CDH13: variants seen among roughly 807,000 people sequenced by gnomAD.
CDH13 encodes the protein cadherin-13.
Under a neutral mutation model 63.8 loss-of-function variants are expected in CDH13, and 24 were observed. The observed-to-expected ratio is 0.38, with a 90% CI of 0.27 to 0.53. The LOEUF is 0.53. Ranked by LOEUF, CDH13 falls within the 20% of genes least tolerant of loss-of-function variation. The pLI, the probability that CDH13 is intolerant of heterozygous loss-of-function variation, is 0.85. For missense variants in CDH13, 1,049 were observed against 903.1 expected (o/e 1.16, Z -2.07); for synonymous variants, 503 against 355.3 (o/e 1.42, Z -4.67).
intron 2 of CDH13, among the ~76,000 whole-genome samples, chr16:82,960,532 T>C (rs146343100): frequency 6.6e-6 from 1 of 152,344 alleles, no homozygotes; most frequent in African/African-American, 2.4e-5. Flanking sequence ...ATATGCCCGA[T>C]GCAAAGCGTG....
At chr16:83,579,003 A>T (rs910960701) in intron 7 of CDH13, among the ~76,000 whole-genome samples, 3 of 152,224 alleles carry the variant, frequency 2.0e-5, no homozygotes, top group African/African-American at 7.2e-5. Context: ...TATGAAAAGC[A>T]TTTTGCACAT....
At chr16:83,528,965 T>C (rs565908653) in intron 7 of CDH13, among the ~76,000 whole-genome samples, 55 of 152,288 alleles carry the variant, frequency 3.6e-4, no homozygotes, top group African/African-American at 1.3e-3. Context: ...GGGGTAGTTA[T>C]ATATAAATTG....
chr16:83,516,058 C>T (rs1225892264), intron 7 of CDH13, among the ~76,000 whole-genome samples: 2 of 152,138 alleles, frequency 1.3e-5, no homozygotes, highest in Non-Finnish European at 2.9e-5. Flanking sequence ...TTCAAAAATT[C>T]GCTTTTCCAA....
chr16:83,436,618 G>A (rs2072312940), intron 6 of CDH13, among the ~76,000 whole-genome samples: 1 of 152,354 alleles, frequency 6.6e-6, no homozygotes, highest in South Asian at 2.1e-4. Flanking sequence ...CATAAAGTTT[G>A]CTTCCTCTTT....
chr16:83,100,440 G>T (rs1481878076), intron 3 of CDH13, among the ~76,000 whole-genome samples: 1 of 152,176 alleles, frequency 6.6e-6, no homozygotes, highest in African/African-American at 2.4e-5. Context: ...GAAGGGTGGT[G>T]AATTTTTTCA....
intron 1 of CDH13, among the ~76,000 whole-genome samples, chr16:82,831,550 A>C (rs900387273): frequency 6.6e-6 from 1 of 152,178 alleles, no homozygotes; most frequent in African/African-American, 2.4e-5. Flanking sequence ...ATTTCCTGAC[A>C]ATAAAGGGGC....
chr16:82,984,638 A>G (rs1399999323), intron 2 of CDH13, among the ~76,000 whole-genome samples: 2 of 152,246 alleles, frequency 1.3e-5, no homozygotes, highest in African/African-American at 2.4e-5. Flanking sequence ...TGTCTGAAGA[A>G]GGTTCAGCTA....
intron 8 of CDH13, among the ~76,000 whole-genome samples, chr16:83,649,959 T>C (rs1598413552): frequency 1.3e-5 from 2 of 152,192 alleles, no homozygotes; most frequent in South Asian, 2.1e-4. Context: ...TGCCATTTTT[T>C]CTTCATTGTC....
chr16:82,935,368 G>A (rs1036733423), intron 2 of CDH13, among the ~76,000 whole-genome samples: 6 of 152,100 alleles, frequency 3.9e-5, no homozygotes, highest in Admixed American at 6.6e-5. Flanking sequence ...ATTATGATTT[G>A]GATTACAATT....
chr16:82,659,578 C>T (rs1157506440), intron 1 of CDH13, among the ~76,000 whole-genome samples: 2 of 152,116 alleles, frequency 1.3e-5, no homozygotes, highest in Non-Finnish European at 2.9e-5. Flanking sequence ...ACATAACTCC[C>T]CTATTGGGAA....
At chr16:83,587,914 G>A (rs190178546) in intron 7 of CDH13, among the ~76,000 whole-genome samples, 5 of 151,722 alleles carry the variant, frequency 3.3e-5, no homozygotes, top group African/African-American at 1.2e-4. Flanking sequence ...TGGCTTTGTT[G>A]AGATTTATCT....
intron 6 of CDH13, among the ~76,000 whole-genome samples, chr16:83,419,649 T>G (rs2071656170): frequency 6.6e-6 from 1 of 152,186 alleles, no homozygotes; most frequent in Non-Finnish European, 1.5e-5. Flanking sequence ...TCAACACCAT[T>G]CTTGATCAGC....
At chr16:83,789,640 C>T (rs1365590881) in intron 13 of CDH13, among the ~76,000 whole-genome samples, 8 of 152,094 alleles carry the variant, frequency 5.3e-5, no homozygotes, top group Admixed American at 5.2e-4. Flanking sequence ...TGAGCCACCA[C>T]GCCAGGCCTG....
At chr16:83,019,538 C>T (rs1409377896) in intron 2 of CDH13, among the ~76,000 whole-genome samples, 1 of 150,058 alleles carries the variant, frequency 6.7e-6, no homozygotes, top group East Asian at 2.0e-4. Flanking sequence ...CTCTGTCACC[C>T]AGGCTAGAGT....
At chr16:82,774,763 A>T (rs1270227673) in intron 1 of CDH13, among the ~76,000 whole-genome samples, 1 of 152,212 alleles carries the variant, frequency 6.6e-6, no homozygotes, top group Admixed American at 6.5e-5. Flanking sequence ...CACAGATCTC[A>T]GAGCCTGTGA....
At chr16:82,785,975 G>C (rs1019483221) in intron 1 of CDH13, among the ~76,000 whole-genome samples, 3 of 152,174 alleles carry the variant, frequency 2.0e-5, no homozygotes, top group Admixed American at 6.5e-5. Flanking sequence ...CTGTTGGCTA[G>C]GGTTAGACCA....
chr16:82,885,111 G>A (rs62035222), intron 2 of CDH13, among the ~76,000 whole-genome samples: 44,270 of 151,980 alleles, frequency 0.29, 7,797 homozygotes, highest in Non-Finnish European at 0.4. Flanking sequence ...GTTCTACCTA[G>A]AACCCAACTG....
At chr16:83,690,045 C>T (rs900066706) in intron 10 of CDH13, among the ~76,000 whole-genome samples, 5 of 149,282 alleles carry the variant, frequency 3.3e-5, no homozygotes, top group Admixed American at 2.3e-4. Flanking sequence ...ATTAGCCGGG[C>T]GCCTGTAATC....
At chr16:83,202,180 A>C (rs1208040864) in intron 4 of CDH13, among the ~76,000 whole-genome samples, 1 of 152,142 alleles carries the variant, frequency 6.6e-6, no homozygotes, top group African/African-American at 2.4e-5. Flanking sequence ...TTCCGAAAGA[A>C]ATGATCTTGC....
Sources: gnomAD v4.1 joint callset for allele counts (sites outside exome capture counted in the v4.1 genomes callset) on GRCh38, gnomAD v4.1.1 for gene constraint, MANE v1.5 for transcripts, NCBI Gene and HGNC (gene_info 2026-07-23, HGNC 2026-07-21) for gene names.